The following PBX1 variants were observed in gnomAD, a reference collection of about 807,000 sequenced individuals.
PBX1 encodes pre-B-cell leukemia transcription factor 1.
PBX1 carries 6 observed loss-of-function variants against 53.4 expected under a neutral mutation model. The observed-to-expected ratio is 0.11, with a 90% confidence interval of 0.06 to 0.22. The LOEUF (loss-of-function observed/expected upper bound fraction) is 0.22, where lower values mean the gene tolerates loss of function less well. Ranked by LOEUF, PBX1 falls within the 10% of genes least tolerant of loss-of-function variation. The pLI is 1.00. For synonymous variants in PBX1, 204 were observed against 212.3 expected (o/e 0.96, Z 0.34); for missense variants, 251 against 551.4 (o/e 0.46, Z 5.46).
At chr1:164,873,821 A>G (rs569542612) in intron 2 of PBX1, among the ~76,000 whole-genome samples, 1 of 152,312 alleles carries the variant, frequency 6.6e-6, no homozygotes, top group Non-Finnish European at 1.5e-5. Context: ...ACTTTCATTT[A>G]CATATGTGAC....
At chr1:164,586,205 A>G (rs992496900) in intron 2 of PBX1, among the ~76,000 whole-genome samples, 2 of 152,232 alleles carry the variant, frequency 1.3e-5, no homozygotes, top group Admixed American at 1.3e-4. Flanking sequence ...TGTTCAGACA[A>G]ATAGGAATAA....
intron 3 of PBX1, among the ~76,000 whole-genome samples, chr1:164,795,647 A>G (rs533428151): frequency 1.3e-5 from 2 of 152,206 alleles, no homozygotes; most frequent in Non-Finnish European, 2.9e-5. Context: ...ATTTATTAAT[A>G]TTAGTTGTGT....
intron 2 of PBX1, chr1:164,684,126 T>C (rs531687156): frequency 5.3e-5 from 8 of 152,336 alleles, no homozygotes; most frequent in African/African-American, 1.4e-4. Context: ...CCTGTAATTA[T>C]TCTAAAGATT....
Position 164,563,237 on chromosome 1 carries a change from G to T in PBX1, c.192-1G>T. The T allele has an allele frequency of 6.2e-7, 1 of 1,608,514 alleles. No homozygotes were observed. The highest frequency in any genetic ancestry group is 8.5e-7 in the Non-Finnish European group (1 of 1,176,296). On this transcript the variant is annotated splice_acceptor_variant, in intron 1 of 8. Transcript: ENST00000420696. LOFTEE classifies it high-confidence loss of function. ...GCTATCATGTTGTTTCTTTCTTGCA[G>T]AAAACATGCTTTAAACTGCCACAGA...
At chr1:164,640,782 T>G (rs1221019431) in intron 2 of PBX1, among the ~76,000 whole-genome samples, 1 of 152,030 alleles carries the variant, frequency 6.6e-6, no homozygotes, top group Non-Finnish European at 1.5e-5. Context: ...GGTCTCCAAC[T>G]CCTGAGCTCA....
intron 1 of PBX1, among the ~76,000 whole-genome samples, chr1:164,560,893 A>G (rs3767374): frequency 0.67 from 102,599 of 152,050 alleles, 36,739 homozygotes; most frequent in South Asian, 0.85. Context: ...TGAATTTTAT[A>G]TATTTCAGTA....
At chr1:164,712,383 T>A (rs1187103130) in intron 2 of PBX1, among the ~76,000 whole-genome samples, 1 of 152,188 alleles carries the variant, frequency 6.6e-6, no homozygotes, top group Non-Finnish European at 1.5e-5. Context: ...TGGCAAAGAC[T>A]GAGGCCTAAT....
At chr1:164,634,963 C>T (rs1658653517) in intron 2 of PBX1, among the ~76,000 whole-genome samples, 1 of 151,946 alleles carries the variant, frequency 6.6e-6, no homozygotes, top group Admixed American at 6.6e-5. Context: ...TGTTGCCTGC[C>T]TGTAGAGATG....
intron 2 of PBX1, among the ~76,000 whole-genome samples, chr1:164,751,560 T>C (rs1666217662): frequency 6.6e-6 from 1 of 151,458 alleles, no homozygotes. Flanking sequence ...TATGTTCAAA[T>C]GTAATGGGTT....
chr1:164,803,324 TC>T (rs1313071357), intron 4 of PBX1, among the ~76,000 whole-genome samples: 1 of 152,194 alleles, frequency 6.6e-6, no homozygotes, highest in Non-Finnish European at 1.5e-5. Flanking sequence ...AAGGAAATGA[TC>T]CAGAGAGAGG....
intron 2 of PBX1, among the ~76,000 whole-genome samples, chr1:164,587,085 T>TTG (rs146359939): frequency 6.6e-6 from 1 of 152,028 alleles, no homozygotes; most frequent in African/African-American, 2.4e-5. Flanking sequence ...AGGGTGTTGT[T>TTG]TGTGTGTGTG....
intron 2 of PBX1, among the ~76,000 whole-genome samples, chr1:164,702,572 C>T (rs992379670): frequency 9.9e-5 from 15 of 152,136 alleles, no homozygotes; most frequent in Admixed American, 9.8e-4. Context: ...AATCACCCTA[C>T]CCCCATGAAC....
At chr1:164,798,998 A>G (rs913086212) in intron 3 of PBX1, among the ~76,000 whole-genome samples, 6 of 152,232 alleles carry the variant, frequency 3.9e-5, no homozygotes, top group African/African-American at 9.6e-5. Flanking sequence ...AAGTACTCCT[A>G]TATCAGAAAT....
chr1:164,805,905 G>A (rs1197162143), intron 4 of PBX1, among the ~76,000 whole-genome samples: 1 of 152,202 alleles, frequency 6.6e-6, no homozygotes, highest in African/African-American at 2.4e-5. Flanking sequence ...TGGACAGATG[G>A]TGTTCTTCCG....
chr1:164,764,636 CT>C (rs530079508), intron 2 of PBX1, among the ~76,000 whole-genome samples: 212 of 152,258 alleles, frequency 1.4e-3, no homozygotes, highest in African/African-American at 4.8e-3. Context: ...ACATTTTCAG[CT>C]GCATTTTTTC....
At chr1:164,648,031 G>T (rs1659572576) in intron 2 of PBX1, among the ~76,000 whole-genome samples, 1 of 151,998 alleles carries the variant, frequency 6.6e-6, no homozygotes, top group Non-Finnish European at 1.5e-5. Flanking sequence ...TAGCCAGGAA[G>T]GTCTCGATCT....
At chr1:164,728,271 C>T (rs1038332200) in intron 2 of PBX1, among the ~76,000 whole-genome samples, 4 of 150,934 alleles carry the variant, frequency 2.7e-5, no homozygotes, top group South Asian at 4.2e-4. Flanking sequence ...GAGCCATGAT[C>T]GCGCCACTAC....
At chr1:164,750,944 T>G (rs1467639499) in intron 2 of PBX1, among the ~76,000 whole-genome samples, 1 of 152,122 alleles carries the variant, frequency 6.6e-6, no homozygotes, top group East Asian at 1.9e-4. Context: ...AAGGTAACAA[T>G]TTTTAAATAG....
chr1:164,858,475 ACACG>A (rs1672024530), intron 2 of PBX1, among the ~76,000 whole-genome samples: 1 of 142,192 alleles, frequency 7.0e-6, no homozygotes, highest in Non-Finnish European at 1.6e-5. Flanking sequence ...ACACACACAC[ACACG>A]CTGTGGCTGA....
Sources: gnomAD v4.1 joint callset for allele counts (sites outside exome capture counted in the v4.1 genomes callset) on GRCh38, gnomAD v4.1.1 for gene constraint, MANE v1.5 for transcripts, NCBI Gene and HGNC (gene_info 2026-07-23, HGNC 2026-07-21) for gene names.